The following SCARB1 variants were observed in gnomAD, a reference collection of about 807,000 sequenced individuals.
SCARB1 encodes the protein CD36 and LIMPII analogous 1.
Under a neutral mutation model 57.2 loss-of-function variants are expected in SCARB1, and 30 were observed. The ratio of observed to expected loss-of-function variants is 0.52; its 90% CI spans 0.39 to 0.71. The LOEUF is 0.71. Among genes scored for constraint, SCARB1 ranks in the 30% least tolerant of loss-of-function variants. The pLI, the probability that SCARB1 is intolerant of heterozygous loss-of-function variation, is 0.00. For synonymous variants in SCARB1, 249 were observed against 268.3 expected, an observed-to-expected ratio of 0.93 and a Z score of 0.70; for missense variants, 543 against 671.2, an observed-to-expected ratio of 0.81 and a Z score of 2.11.
At chr12:124,825,159 AG>A (rs561264226) in intron 1 of SCARB1, among the ~76,000 whole-genome samples, 1 of 133,764 alleles carries the variant, frequency 7.5e-6, no homozygotes, top group East Asian at 2.5e-4. Flanking sequence ...CAGGAGGCGG[AG>A]GTTGCAGCGA....
At chr12:124,834,594 G>A (rs2135755969) in intron 1 of SCARB1, among the ~76,000 whole-genome samples, 1 of 152,350 alleles carries the variant, frequency 6.6e-6, no homozygotes, top group South Asian at 2.1e-4. Context: ...CTAGGTACCT[G>A]TTCGGGCAGT....
intron 7 of SCARB1, among the ~76,000 whole-genome samples, chr12:124,803,684 C>A (rs569003171): frequency 6.3e-5 from 7 of 111,072 alleles, no homozygotes; most frequent in Non-Finnish European, 1.2e-4. Context: ...ACAACCCCAC[C>A]TCTACAAAAA....
chr12:124,841,949 C>T lies in SCARB1; in HGVS notation c.126+21646G>A, dbSNP rs559568566. ...TTTGTCCACGGCTGTAGCTCCAACA[C>T]TTGGCACGAGACCTGGCCCACAATT... is the stretch of plus-strand genomic sequence containing the variant. On this transcript the variant is annotated intron_variant, in intron 1 of 12. Coordinates refer to ENST00000261693, the MANE Select transcript of SCARB1 (RefSeq NM_005505.5). Among the ~76,000 whole-genome samples, 18 of 152,358 alleles carry T rather than the reference C, an allele frequency of 1.2e-4. No individual in the cohort carries two copies. In the South Asian group the frequency reaches 3.1e-3, roughly 26 times the overall value.
intron 9 of SCARB1, among the ~76,000 whole-genome samples, chr12:124,792,081 G>A (rs1949753751): frequency 1.3e-5 from 2 of 152,058 alleles, no homozygotes; most frequent in African/African-American, 4.8e-5. Context: ...AACACGATGG[G>A]GAGACAACAG....
At position 124,777,055 on chromosome 12, in the gene SCARB1, A is replaced by G. The variant is rs1872547416; in HGVS notation, c.*1532T>C. ...ATATTCTTTGAAATGTTCGGCAGTGAATACCCTCTCCTCTCCTAGTTAGAT... is the reference window on the plus strand; with the variant it reads ...ATATTCTTTGAAATGTTCGGCAGTGGATACCCTCTCCTCTCCTAGTTAGAT... On this transcript the variant is annotated 3_prime_UTR_variant, in exon 13 of 13. Coordinates refer to ENST00000261693, the MANE Select transcript of SCARB1 (RefSeq NM_005505.5). 6.6e-6 allele frequency: 1 copy of G among 152,172 alleles called. No homozygotes were observed. The highest frequency in any genetic ancestry group is 1.5e-5 in the Non-Finnish European group (1 of 68,032). The allele number at this position is 152,172 out of a possible 1,614,324, so 9.4% of individuals were successfully genotyped here.
At position 124,800,101 on chromosome 12, in the gene SCARB1, C is replaced by G. The variant is rs377036064; in HGVS notation, c.1128+23G>C. The G allele has an allele frequency of 3.2e-6, 5 of 1,561,860 alleles. No homozygotes were observed. The highest frequency in any genetic ancestry group is 1.1e-5 in the South Asian group (1 of 89,942). ...CTCCAACCAGGAATCACCCACCCCC[C>G]ACAGAGGATGGCAGGGGCTCACCGG... On this transcript the variant is annotated intron_variant, in intron 8 of 12. Coordinates refer to ENST00000261693, the MANE Select transcript of SCARB1 (RefSeq NM_005505.5). This position sits in a 1 kb window ranked among gnomAD's most constrained non-coding sequence, Gnocchi z 4.8.
intron 2 of SCARB1, among the ~76,000 whole-genome samples, chr12:124,815,632 G>T (rs1256823725): frequency 6.6e-6 from 1 of 152,206 alleles, no homozygotes; most frequent in Non-Finnish European, 1.5e-5. Context: ...TTGGGAGGCT[G>T]AGGTGGGCAG....
intron 1 of SCARB1, chr12:124,821,339 G>A (rs1353857530): frequency 8.1e-6 from 8 of 981,600 alleles, no homozygotes; most frequent in Non-Finnish European, 7.3e-6. Context: ...TCTCAGCAGA[G>A]GCTGCTGGGC....
chr12:124,839,207 G>A (rs1951811636), intron 1 of SCARB1: 1 of 455,818 alleles, frequency 2.2e-6, no homozygotes, highest in African/African-American at 2.0e-5. Flanking sequence ...CTGAAAAAGA[G>A]CTCTGCACCC....
At chr12:124,834,052 G>A (rs750339490) in intron 1 of SCARB1, among the ~76,000 whole-genome samples, 1 of 152,200 alleles carries the variant, frequency 6.6e-6, no homozygotes, top group African/African-American at 2.4e-5. Flanking sequence ...CCAGTGACAC[G>A]AGGGTGTCCA....
At chr12:124,794,400 C>CTTTTT (rs3043265) in intron 9 of SCARB1, among the ~76,000 whole-genome samples, 10 of 119,910 alleles carry the variant, frequency 8.3e-5, no homozygotes, top group African/African-American at 2.3e-4. Flanking sequence ...TTGAAAAATT[C>CTTTTT]TTTTTTTTTT....
chr12:124,825,564 G>A (rs1202248342), intron 1 of SCARB1, among the ~76,000 whole-genome samples: 6 of 151,950 alleles, frequency 3.9e-5, no homozygotes, highest in Admixed American at 6.6e-5. Flanking sequence ...CCAGCTACTC[G>A]GGAGGCTGAG....
rs775911956 is a variant in SCARB1, at chr12:124,817,591, G to A, written c.243C>T (p.Gly81=). The change falls in exon 2 of 13, where the codon GGC becomes GGT. Residue 81 remains glycine (G), a synonymous_variant. Transcript: ENST00000261693. The surrounding 1 kb of genome is among the most constrained non-coding windows in gnomAD (Gnocchi z 4.8). ...CGCGCTCCCGCACCTGCGGCTTCTC[G>A]CCCTTCAGGATCTCGCTGGGGTTCA... ...DVMNPSEILK[G]EKPQVRERGP... 5.0e-6 allele frequency: 8 copies of A among 1,614,142 alleles called. No homozygotes were observed. Among genetic ancestry groups the A allele is most frequent in the South Asian group, 1.1e-5 (1 of 91,088 alleles).
At position 124,836,954 on chromosome 12, in the gene SCARB1, G is replaced by C. The variant is rs182626730; in HGVS notation, c.127-19247C>G. On this transcript the variant is annotated intron_variant, in intron 1 of 12. Coordinates refer to ENST00000261693, the MANE Select transcript of SCARB1 (RefSeq NM_005505.5). ...TGACCTTGGGTCTGACCAAAGGCTG[G>C]GCACTGCCTTGGTAAAGGCCCAGCA... Among the ~76,000 whole-genome samples, 538 of 152,170 alleles carry C rather than the reference G, an allele frequency of 3.5e-3. 1 individual carries two copies. Among genetic ancestry groups the C allele is most frequent in the Non-Finnish European group, 6.2e-3 (423 of 68,026 alleles).
intron 10 of SCARB1, among the ~76,000 whole-genome samples, chr12:124,786,866 C>T (rs1022497359): frequency 6.6e-6 from 1 of 152,244 alleles, no homozygotes; most frequent in African/African-American, 2.4e-5. Flanking sequence ...AGCTCTGCCT[C>T]CCCATCAACC....
chr12:124,804,693 G>A (rs79752631), intron 7 of SCARB1, among the ~76,000 whole-genome samples: 1,656 of 152,308 alleles, frequency 0.011, 14 homozygotes, highest in African/African-American at 0.023. Context: ...TTCATTCACA[G>A]GTTGTTCCAT....
chr12:124,818,641 T>TTTTTA (rs1004844793), intron 1 of SCARB1, among the ~76,000 whole-genome samples: 4 of 151,866 alleles, frequency 2.6e-5, no homozygotes, highest in Non-Finnish European at 5.9e-5. Flanking sequence ...AATTTTTGTA[T>TTTTTA]TTTTATTTTA....
At chr12:124,831,751 A>T (rs1486629362) in intron 1 of SCARB1, among the ~76,000 whole-genome samples, 3 of 152,256 alleles carry the variant, frequency 2.0e-5, no homozygotes, top group Non-Finnish European at 2.9e-5. Flanking sequence ...AGGAATAAAG[A>T]ATAGGACCCA....
rs1044934889 is a variant in SCARB1 at position 124,842,617 on chromosome 12, G to A, written c.126+20978C>T. On this transcript the variant is annotated intron_variant, in intron 1 of 12. Coordinates refer to ENST00000261693, the MANE Select transcript of SCARB1 (RefSeq NM_005505.5). ...CTGTCAGGCCCAGAGGAAACGTGGC[G>A]GTCACATCAACCCTGACTCTGAAAA... Among the ~76,000 whole-genome samples the A allele has an allele frequency of 7.5e-4, 115 of 152,322 alleles. 1 individual carries two copies. The highest frequency in any genetic ancestry group is 2.4e-3 in the African/African-American group (99 of 41,576).
Sources: gnomAD v4.1 joint callset for allele counts (sites outside exome capture counted in the v4.1 genomes callset) on GRCh38, gnomAD v4.1.1 for gene constraint, Gnocchi (gnomAD v3.1) non-coding constraint, MANE v1.5 for transcripts, NCBI Gene and HGNC (gene_info 2026-07-23, HGNC 2026-07-21) for gene names.